PDE3B: variants seen among roughly 807,000 people sequenced by gnomAD.
The protein encoded by PDE3B is phosphodiesterase 3B.
PDE3B carries 66 observed loss-of-function variants against 116.8 expected under a neutral mutation model. The observed-to-expected ratio is 0.56, with a 90% CI of 0.46 to 0.69. The LOEUF (loss-of-function observed/expected upper bound fraction) is 0.69. Ranked by LOEUF, PDE3B falls within the 30% of genes least tolerant of loss-of-function variation. The probability of loss-of-function intolerance (pLI) is 0.00; values close to 1 mark genes in which losing one functional copy is unlikely to be tolerated. For missense variants in PDE3B, 1,384 were observed against 1,368.1 expected, an observed-to-expected ratio of 1.01 and a Z score of -0.18; for synonymous variants, 595 against 533.6, an observed-to-expected ratio of 1.12 and a Z score of -1.59.
At position 14,843,860 on chromosome 11, in the gene PDE3B, C is replaced by T. The variant is rs149284267; in HGVS notation, c.2354C>T (p.Ala785Val). The T allele has an allele frequency of 1.1e-5, 18 of 1,614,020 alleles. No individual in the cohort carries two copies. The African/African-American group carries it at 2.0e-4, about 18-fold the overall frequency. Residue 785 changes from alanine (A) to valine (V), a missense_variant, in exon 12 of 16, where the codon GCT becomes GTT. Ala to Val is a moderately conservative substitution (Grantham distance 64). Around this residue, in one of 2 missense-constraint regions of PDE3B, gnomAD observed 428 missense variants for 561.4 expected, o/e 0.76. Coordinates refer to ENST00000282096, the MANE Select transcript of PDE3B (RefSeq NM_000922.4). The part of the protein sequence containing the change: ...SDGRINHGRI[A>V]YISSKSCSNP... ...GGTAGAATTAACCATGGGCGAATTG[C>T]TTATATTTCTTCGAAGAGCTGCTCT...
At chr11:14,811,848 G>T (rs1177744974) in intron 5 of PDE3B, among the ~76,000 whole-genome samples, 1 of 152,118 alleles carries the variant, frequency 6.6e-6, no homozygotes, top group Non-Finnish European at 1.5e-5. Flanking sequence ...CCTTGAAGAG[G>T]TCCCTCACGT....
chr11:14,671,940 C>G (rs1230411770), intron 1 of PDE3B, among the ~76,000 whole-genome samples: 1 of 148,692 alleles, frequency 6.7e-6, no homozygotes, highest in Non-Finnish European at 1.5e-5. Context: ...AGGTGGGAGG[C>G]TAGGAATTTG....
chr11:14,747,574 T>C (rs916039193), intron 1 of PDE3B, among the ~76,000 whole-genome samples: 25 of 152,084 alleles, frequency 1.6e-4, no homozygotes, highest in African/African-American at 5.1e-4. Flanking sequence ...CAAAGGGAAG[T>C]GTATAGTTTT....
At chr11:14,654,888 A>G (rs1179948503) in intron 1 of PDE3B, among the ~76,000 whole-genome samples, 1 of 151,910 alleles carries the variant, frequency 6.6e-6, no homozygotes, top group East Asian at 1.9e-4. Context: ...CCAAACAAAT[A>G]GAGGTGACAA....
intron 1 of PDE3B, among the ~76,000 whole-genome samples, chr11:14,725,187 C>T (rs1008272113): frequency 1.3e-5 from 2 of 152,186 alleles, no homozygotes; most frequent in Admixed American, 6.5e-5. Flanking sequence ...CTGCTGCATG[C>T]TAGTAAATAG....
At chr11:14,887,547 A>G in the PDE3B span, 3 of 941,550 alleles carry the variant, frequency 3.2e-6, no homozygotes, top group Non-Finnish European at 1.3e-6. Flanking sequence ...TCTTTGATTT[A>G]TTCAATAATT....
chr11:14,879,996 TG>T, the PDE3B span: 2 of 825,096 alleles, frequency 2.4e-6, no homozygotes, highest in African/African-American at 1.7e-5. Context: ...AACTCTTTTT[TG>T]TAACTATTAA....
Position 14,831,704 on chromosome 11 carries a change from T to A in PDE3B, c.2021T>A (p.Met674Lys), listed in dbSNP as rs772216955. Residue 674 changes from methionine (M) to lysine (K), a missense_variant, in exon 9 of 16, where the codon ATG becomes AAG. Around this residue, in one of 2 missense-constraint regions of PDE3B, gnomAD observed 428 missense variants for 561.4 expected, o/e 0.76. Coordinates refer to ENST00000282096, the MANE Select transcript of PDE3B (RefSeq NM_000922.4). The part of the protein sequence containing the change: ...VEEYDSLIEK[M>K]SNWNFPIFEL... The stretch of plus-strand genomic sequence containing the variant: ...GAGTATGACTCATTAATAGAAAAGA[T>A]GAGCAACTGGAATTTTCCAATTTTT... 1 of 1,599,386 alleles carries A rather than the reference T, an allele frequency of 6.3e-7. No individual in the cohort carries two copies. Among genetic ancestry groups the A allele is most frequent in the South Asian group, 1.1e-5 (1 of 89,728 alleles).
chr11:14,779,881 ATAGAG>A (rs1170089994), intron 2 of PDE3B, among the ~76,000 whole-genome samples: 6 of 151,562 alleles, frequency 4.0e-5, no homozygotes, highest in East Asian at 1.9e-4. Flanking sequence ...GGCAAATTGG[ATAGAG>A]TAAAGACCCA....
At chr11:14,678,202 A>T (rs1438747282) in intron 1 of PDE3B, among the ~76,000 whole-genome samples, 2 of 151,912 alleles carry the variant, frequency 1.3e-5, no homozygotes, top group East Asian at 3.9e-4. Context: ...CTGGGATTAT[A>T]GGCATGAGCC....
At chr11:14,704,511 A>G (rs1191558367) in intron 1 of PDE3B, among the ~76,000 whole-genome samples, 1 of 151,794 alleles carries the variant, frequency 6.6e-6, no homozygotes, top group Non-Finnish European at 1.5e-5. Context: ...GAAGTACATC[A>G]TTGGATTTAT....
At chr11:14,775,471 T>C (rs1490252633) in intron 2 of PDE3B, 1 of 152,234 alleles carries the variant, frequency 6.6e-6, no homozygotes, top group Middle Eastern at 3.2e-3. Flanking sequence ...ATAAAATTTC[T>C]GTTACCATCC....
In PDE3B at chr11:14,648,689, C is replaced by T. The variant is rs1374205939; in HGVS notation, c.978+3636C>T. ...ATCTCTTATGGCTTTTCATTGTCCA[C>T]AGGATACTGTTCATGCCCTTGACCC... On this transcript the variant is annotated intron_variant, in intron 1 of 15. Transcript: ENST00000282096. Among the ~76,000 whole-genome samples, 4 of 152,242 alleles carry T rather than the reference C, an allele frequency of 2.6e-5. No homozygotes were observed. The East Asian group carries it at 5.8e-4, about 22-fold the overall frequency.
chr11:14,644,702 G>T lies in PDE3B; in HGVS notation c.627G>T (p.Thr209=). The T allele has an allele frequency of 2.0e-6, 3 of 1,521,568 alleles. No homozygotes were observed. Among genetic ancestry groups the T allele is most frequent in the Non-Finnish European group, 1.8e-6 (2 of 1,136,912 alleles). 94.3% of individuals were successfully genotyped at this position (1,521,568 alleles called of 1,614,324 possible). Residue 209 remains threonine, a synonymous_variant, in exon 1 of 16, where the codon ACG becomes ACT. Coordinates refer to ENST00000282096, the MANE Select transcript of PDE3B (RefSeq NM_000922.4). ...TGAGCTGCGTAGGGCTGCTGCTGAC[G>T]CTCGCGCACCCGCTGCGGCTCCGGC... ...LVLSCVGLLL[T]LAHPLRLRHC...
intron 1 of PDE3B, among the ~76,000 whole-genome samples, chr11:14,751,510 T>C (rs1191706202): frequency 6.6e-6 from 1 of 152,190 alleles, no homozygotes; most frequent in East Asian, 1.9e-4. Flanking sequence ...TTGTCATAAA[T>C]TATTCCTTAA....
intron 1 of PDE3B, among the ~76,000 whole-genome samples, chr11:14,732,281 A>G (rs181950733): frequency 7.1e-4 from 108 of 152,046 alleles, no homozygotes; most frequent in Non-Finnish European, 1.3e-3. Flanking sequence ...AAAGCAAGTG[A>G]TTTTTTCTTG....
intron 5 of PDE3B, among the ~76,000 whole-genome samples, chr11:14,814,547 G>A (rs116860267): frequency 0.051 from 7,708 of 152,198 alleles, 245 homozygotes; most frequent in Non-Finnish European, 0.073. Flanking sequence ...AATATGCAAT[G>A]CTGCTACACT....
intron 1 of PDE3B, among the ~76,000 whole-genome samples, chr11:14,697,369 T>A (rs1226810171): frequency 6.6e-6 from 1 of 152,174 alleles, no homozygotes; most frequent in Non-Finnish European, 1.5e-5. Flanking sequence ...AAAGATTGTC[T>A]TTTCCCTTCA....
At chr11:14,889,117 C>T in the PDE3B span, among the ~76,000 whole-genome samples, 5 of 150,194 alleles carry the variant, frequency 3.3e-5, no homozygotes, top group South Asian at 2.1e-4. Context: ...AACACAAAGG[C>T]GGGTGTCACT....
Sources: allele counts gnomAD v4.1 joint callset (sites outside exome capture counted in the v4.1 genomes callset), GRCh38; gene constraint gnomAD v4.1.1; regional missense constraint gnomAD v4.1.1; transcripts MANE v1.5; gene names NCBI Gene and HGNC (gene_info 2026-07-23, HGNC 2026-07-21).